CNTNAP2: variants seen among roughly 807,000 people sequenced by gnomAD.
CNTNAP2 encodes the protein contactin-associated protein-like 2.
CNTNAP2 carries 98 observed loss-of-function variants against 155.2 expected under a neutral mutation model. The ratio of observed to expected loss-of-function variants is 0.63; its 90% confidence interval spans 0.54 to 0.75. The LOEUF (loss-of-function observed/expected upper bound fraction) is 0.75, where lower values mean the gene tolerates loss of function less well. Ranked by LOEUF, CNTNAP2 falls within the 30% of genes least tolerant of loss-of-function variation. The pLI is 0.00. For missense variants in CNTNAP2, 1,727 were observed against 1,688.1 expected (o/e 1.02, Z -0.40); for synonymous variants, 651 against 631.2 (o/e 1.03, Z -0.47).
intron 13 of CNTNAP2, among the ~76,000 whole-genome samples, chr7:147,743,681 C>G (rs1032042393): frequency 2.9e-5 from 3 of 104,808 alleles, no homozygotes; most frequent in Non-Finnish European, 3.9e-5. Context: ...TTCCTGACCT[C>G]TCATATTTTT....
At chr7:146,515,808 G>A (rs1797532674) in intron 1 of CNTNAP2, among the ~76,000 whole-genome samples, 1 of 152,002 alleles carries the variant, frequency 6.6e-6, no homozygotes, top group Non-Finnish European at 1.5e-5. Context: ...TGAGGTGGGG[G>A]CAATCGTAGC....
chr7:147,627,639 C>T (rs1033403129), intron 12 of CNTNAP2, among the ~76,000 whole-genome samples: 6 of 143,894 alleles, frequency 4.2e-5, no homozygotes, highest in African/African-American at 1.6e-4. Flanking sequence ...TTGCAGTGAG[C>T]CGAGATTGTG....
intron 11 of CNTNAP2, among the ~76,000 whole-genome samples, chr7:147,511,562 T>G (rs1325436493): frequency 6.6e-6 from 1 of 151,984 alleles, no homozygotes. Context: ...TGGGGCATAT[T>G]TTTTATGTGT....
In CNTNAP2 at chr7:147,545,215, T is replaced by C. The variant is rs566449959; in HGVS notation, c.1778-16923T>C. Among the ~76,000 whole-genome samples the C allele has an allele frequency of 2.0e-3, 308 of 152,292 alleles. 1 individual carries two copies. The highest frequency in any genetic ancestry group is 7.3e-3 in the African/African-American group (304 of 41,582). The stretch of plus-strand genomic sequence containing the variant: ...AACATCTTGTGGGCCCTGGGCACGA[T>C]GCCTTTTGTGCTCAACAATACAAGC... On this transcript the variant is annotated intron_variant, in intron 11 of 23. Coordinates refer to ENST00000361727, the MANE Select transcript of CNTNAP2 (RefSeq NM_014141.6).
intron 8 of CNTNAP2, among the ~76,000 whole-genome samples, chr7:147,204,944 G>A (rs966119836): frequency 2.0e-5 from 3 of 151,960 alleles, no homozygotes; most frequent in South Asian, 4.2e-4. Flanking sequence ...TAATAAATGG[G>A]TGGATTTATA....
intron 2 of CNTNAP2, among the ~76,000 whole-genome samples, chr7:146,792,278 A>C (rs188621122): frequency 3.4e-4 from 52 of 152,238 alleles, no homozygotes; most frequent in South Asian, 1.7e-3. Flanking sequence ...TAAAAAAAAA[A>C]CACTCTGCTA....
At chr7:146,306,963 G>T (rs935482922) in intron 1 of CNTNAP2, among the ~76,000 whole-genome samples, 1 of 152,136 alleles carries the variant, frequency 6.6e-6, no homozygotes, top group Non-Finnish European at 1.5e-5. Flanking sequence ...TCAACATAGT[G>T]TTGGAAGTTC....
intron 14 of CNTNAP2, among the ~76,000 whole-genome samples, chr7:147,930,901 T>C (rs1172536506): frequency 6.6e-6 from 1 of 152,152 alleles, no homozygotes; most frequent in Non-Finnish European, 1.5e-5. Context: ...AACTGAAACA[T>C]TTACAAATGT....
intron 1 of CNTNAP2, among the ~76,000 whole-genome samples, chr7:146,398,048 A>AT (rs1795658008): frequency 6.6e-6 from 1 of 151,424 alleles, no homozygotes; most frequent in South Asian, 2.1e-4. Flanking sequence ...TAATTTTTGC[A>AT]TTTTTTGTGG....
intron 21 of CNTNAP2, among the ~76,000 whole-genome samples, chr7:148,322,290 T>C (rs958585427): frequency 6.6e-6 from 1 of 152,196 alleles, no homozygotes; most frequent in African/African-American, 2.4e-5. Context: ...TGTAACCATA[T>C]GCCAACCTAC....
At chr7:146,689,043 C>T (rs1475830284) in intron 1 of CNTNAP2, among the ~76,000 whole-genome samples, 3 of 152,024 alleles carry the variant, frequency 2.0e-5, no homozygotes, top group African/African-American at 4.8e-5. Context: ...CACTTTTTCA[C>T]GAATGTATTT....
At chr7:148,093,228 G>GA (rs1208286034) in intron 15 of CNTNAP2, among the ~76,000 whole-genome samples, 2 of 151,538 alleles carry the variant, frequency 1.3e-5, no homozygotes, top group African/African-American at 2.4e-5. Flanking sequence ...AGGAAAGCTA[G>GA]AAAAAATAAT....
At chr7:146,346,875 A>C (rs1050491410) in intron 1 of CNTNAP2, among the ~76,000 whole-genome samples, 1 of 152,166 alleles carries the variant, frequency 6.6e-6, no homozygotes, top group Admixed American at 6.5e-5. Flanking sequence ...CCGATAGTGC[A>C]TGACCATTAA....
intron 9 of CNTNAP2, among the ~76,000 whole-genome samples, chr7:147,301,513 GA>G (rs1794944381): frequency 6.6e-6 from 1 of 151,610 alleles, no homozygotes; most frequent in African/African-American, 2.4e-5. Flanking sequence ...GTTTGCCTCT[GA>G]AAATGTTTCT....
At chr7:147,552,901 T>G (rs1285245998) in intron 11 of CNTNAP2, among the ~76,000 whole-genome samples, 3 of 151,984 alleles carry the variant, frequency 2.0e-5, no homozygotes, top group Non-Finnish European at 2.9e-5. Flanking sequence ...GAAGAATAGC[T>G]CTCTCTCCAG....
At chr7:147,268,593 G>A (rs553312849) in intron 8 of CNTNAP2, among the ~76,000 whole-genome samples, 1 of 152,168 alleles carries the variant, frequency 6.6e-6, no homozygotes, top group East Asian at 1.9e-4. Flanking sequence ...AAACCACCAT[G>A]GCACATGTAT....
At chr7:147,050,077 C>T (rs141824415) in intron 4 of CNTNAP2, among the ~76,000 whole-genome samples, 27 of 152,248 alleles carry the variant, frequency 1.8e-4, no homozygotes, top group Admixed American at 2.6e-4. Flanking sequence ...GCTTCCTCTA[C>T]GTTTGGTTTT....
chr7:148,349,550 C>T (rs1420642446), intron 21 of CNTNAP2, among the ~76,000 whole-genome samples: 3 of 151,798 alleles, frequency 2.0e-5, no homozygotes, highest in Non-Finnish European at 4.4e-5. Context: ...TACAGGCACC[C>T]GTCACCATGC....
chr7:146,302,127 C>G (rs558570480), intron 1 of CNTNAP2, among the ~76,000 whole-genome samples: 11 of 152,126 alleles, frequency 7.2e-5, no homozygotes, highest in Non-Finnish European at 1.3e-4. Flanking sequence ...AGTGATAGGA[C>G]AAATATTTTC....
Sources: gnomAD v4.1 joint callset for allele counts (sites outside exome capture counted in the v4.1 genomes callset) on GRCh38, gnomAD v4.1.1 for gene constraint, MANE v1.5 for transcripts, NCBI Gene and HGNC (gene_info 2026-07-23, HGNC 2026-07-21) for gene names.